Variants in EPB41L1 observed in about 807,000 individuals in gnomAD.
The protein encoded by EPB41L1 is erythrocyte membrane protein band 4.1 like 1.
Under a neutral mutation model 97.8 loss-of-function variants are expected in EPB41L1, and 29 were observed. That is an observed-to-expected ratio of 0.30 (90% CI 0.22 to 0.40). The LOEUF (loss-of-function observed/expected upper bound fraction) is 0.40. EPB41L1 is among the 10% of genes least tolerant of loss of function. EPB41L1 has a pLI of 1.00. For synonymous variants in EPB41L1, 383 were observed against 459.2 expected (o/e 0.83, Z 2.12); for missense variants, 812 against 1,162.3 (o/e 0.70, Z 4.38).
chr20:36,206,709 A>G lies in EPB41L1; in HGVS notation c.1669-2779A>G. The G allele has an allele frequency of 7.8e-7, 1 of 1,289,766 alleles. No homozygotes were observed. The highest frequency in any genetic ancestry group is 1.0e-6 in the Non-Finnish European group (1 of 988,856). The allele number at this position is 1,289,766 out of a possible 1,614,324, so 79.9% of individuals were successfully genotyped here. ...ATGGAGGACCTGGTGACCTGAAGGGATCTCCCGCAGGACAGACGTTTGCTG... is the reference window on the plus strand; with the variant it reads ...ATGGAGGACCTGGTGACCTGAAGGGGTCTCCCGCAGGACAGACGTTTGCTG... On this transcript the variant is annotated intron_variant, in intron 14 of 21. Coordinates refer to ENST00000338074, the MANE Select transcript of EPB41L1 (RefSeq NM_012156.2). This position sits in a 1 kb window ranked among gnomAD's most constrained non-coding sequence, Gnocchi z 5.5.
At chr20:36,127,604 G>A (rs932524633) in intron 2 of EPB41L1, among the ~76,000 whole-genome samples, 6 of 152,160 alleles carry the variant, frequency 3.9e-5, no homozygotes, top group Non-Finnish European at 5.9e-5. Flanking sequence ...CAGGAAAACT[G>A]TATACCAATC....
intron 2 of EPB41L1, among the ~76,000 whole-genome samples, chr20:36,129,572 C>T (rs538860570): frequency 1.4e-4 from 21 of 152,114 alleles, no homozygotes; most frequent in African/African-American, 5.1e-4. Context: ...TCACTGCTCC[C>T]GAAGCACTCC....
chr20:36,204,150 C>A (rs1243209292), intron 14 of EPB41L1, among the ~76,000 whole-genome samples: 1 of 152,150 alleles, frequency 6.6e-6, no homozygotes, highest in Non-Finnish European at 1.5e-5. Flanking sequence ...TGGCCTTGGG[C>A]AAGATGCTTC....
In EPB41L1 at chr20:36,206,266, G is replaced by A; in HGVS notation, c.1669-3222G>A. The A allele has an allele frequency of 2.3e-6, 3 of 1,289,916 alleles. No homozygotes were observed. Among genetic ancestry groups the A allele is most frequent in the Non-Finnish European group, 3.0e-6 (3 of 988,898 alleles). The allele number at this position is 1,289,916 out of a possible 1,614,324, so 79.9% of individuals were successfully genotyped here. A position where few individuals can be genotyped will look rare whatever the true frequency, so the allele number is the denominator to read the frequency against. Reference sequence around the variant, plus strand: ...CTGCATGTCAGATGGTCAGCCGGAGGGCCAGACAGAGCTGAGGAAGGGGCT... The same window carrying A: ...CTGCATGTCAGATGGTCAGCCGGAGAGCCAGACAGAGCTGAGGAAGGGGCT... On this transcript the variant is annotated intron_variant, in intron 14 of 21. Coordinates refer to ENST00000338074, the MANE Select transcript of EPB41L1 (RefSeq NM_012156.2). The surrounding 1 kb of genome is among the most constrained non-coding windows in gnomAD (Gnocchi z 5.5).
At chr20:36,155,318 A>C (rs2060247954) in intron 1 of EPB41L1, 1 of 376,852 alleles carries the variant, frequency 2.7e-6, no homozygotes, top group Admixed American at 3.2e-5. Context: ...ATCTCTCCTC[A>C]CTCTGGTTAC....
At chr20:36,132,421 G>T (rs1353095526) in intron 2 of EPB41L1, among the ~76,000 whole-genome samples, 1 of 152,006 alleles carries the variant, frequency 6.6e-6, no homozygotes, top group Non-Finnish European at 1.5e-5. Flanking sequence ...AAGAACCCCT[G>T]TGGTTACATT....
chr20:36,166,405 C>T (rs1388947994), intron 1 of EPB41L1, among the ~76,000 whole-genome samples: 2 of 152,306 alleles, frequency 1.3e-5, no homozygotes, highest in South Asian at 2.1e-4. Context: ...CTCAGATCAG[C>T]GCCTAGCAAA....
Position 36,182,342 on chromosome 20 carries a change from C to T in EPB41L1, c.561C>T (p.Ile187=). ...ATCCTGCCCAGCTGACAGAAGACAT[C>T]ACAAGGTGAGGGCTGTGGAGGGAGA... The part of the protein sequence containing the change: ...PPDPAQLTED[I]TRYYLCLQLR... Residue 187 remains isoleucine (I), a synonymous_variant, in exon 6 of 22, where the codon ATC becomes ATT. Transcript: ENST00000338074. The T allele has an allele frequency of 6.2e-7, 1 of 1,614,010 alleles. No individual in the cohort carries two copies. Among genetic ancestry groups the T allele is most frequent in the South Asian group, 1.1e-5 (1 of 91,076 alleles).
rs573631309 is a variant in EPB41L1 at position 36,194,224 on chromosome 20, G to C, written c.1313G>C (p.Arg438Pro). Residue 438 changes from arginine (R) to proline (P), a missense_variant, in exon 12 of 22, where the codon CGC becomes CCC. Around this residue, in one of 3 missense-constraint regions of EPB41L1, gnomAD observed 498 missense variants for 622.7 expected, o/e 0.80. Transcript: ENST00000338074. ...SRSLDGAEFS[R>P]PASVSENHDA... ...CCACCCACTTCAGCAGAGTTCTCCC[G>C]CCCAGCCTCGGTCAGCGAGAACCAT... The C allele has an allele frequency of 3.1e-6, 5 of 1,613,694 alleles. No homozygotes were observed. The highest frequency in any genetic ancestry group is 2.7e-5 in the African/African-American group (2 of 74,900).
intron 18 of EPB41L1, 29 bp from the exon 19 acceptor site, chr20:36,219,732 C>A (rs368037388): frequency 6.2e-7 from 1 of 1,610,688 alleles, no homozygotes; most frequent in Non-Finnish European, 8.5e-7. Context: ...TACCTGACAC[C>A]CTGGGTGGGG....
At position 36,092,198 on chromosome 20, in the gene EPB41L1, G is replaced by C. The variant is rs1601165667; in HGVS notation, c.-65+586G>C. 6.6e-6 allele frequency among the ~76,000 whole-genome samples: 1 copy of C among 152,196 alleles called. No homozygotes were observed. Among genetic ancestry groups the C allele is most frequent in the African/African-American group, 2.4e-5 (1 of 41,442 alleles). ...GTCCTGGCTGGAGGTAGACGAGGTCGGCGAGCTGGGCGCGGGGCCGCGGGG... is the reference window on the plus strand; with the variant it reads ...GTCCTGGCTGGAGGTAGACGAGGTCCGCGAGCTGGGCGCGGGGCCGCGGGG... On this transcript the variant is annotated intron_variant, in intron 1 of 19. Coordinates refer to the EPB41L1 transcript ENST00000202028. This position sits in a 1 kb window ranked among gnomAD's most constrained non-coding sequence, Gnocchi z 7.0.
At chr20:36,181,271 G>A (rs1177722421) in intron 5 of EPB41L1, among the ~76,000 whole-genome samples, 1 of 152,174 alleles carries the variant, frequency 6.6e-6, no homozygotes, top group East Asian at 1.9e-4. Context: ...GACCATTGTT[G>A]TGGATATGTA....
intron 1 of EPB41L1, among the ~76,000 whole-genome samples, chr20:36,095,827 G>T (rs1375502510): frequency 6.6e-6 from 1 of 152,150 alleles, no homozygotes; most frequent in African/African-American, 2.4e-5. Flanking sequence ...TGGATCACCT[G>T]AGGTCAGGAG....
chr20:36,184,779 A>G (rs1478887588), intron 6 of EPB41L1, among the ~76,000 whole-genome samples: 2 of 152,368 alleles, frequency 1.3e-5, no homozygotes, highest in South Asian at 2.1e-4. Context: ...TGAATACAGT[A>G]TATTACTTGT....
At chr20:36,181,166 T>C (rs186836465) in intron 5 of EPB41L1, among the ~76,000 whole-genome samples, 136 of 152,326 alleles carry the variant, frequency 8.9e-4, no homozygotes, top group African/African-American at 3.2e-3. Flanking sequence ...CAGTGGTCCA[T>C]GACCACAGCC....
At position 36,195,792 on chromosome 20, in the gene EPB41L1, C is replaced by T. The variant is rs1480981420; in HGVS notation, c.1485+428C>T. 6.6e-6 allele frequency among the ~76,000 whole-genome samples: 1 copy of T among 152,154 alleles called. No homozygotes were observed. Among genetic ancestry groups the T allele is most frequent in the Non-Finnish European group, 1.5e-5 (1 of 68,028 alleles). ...GCACTGTTTGGTCTCGCCTCCATCT[C>T]GTCTGTGTCCCCTGTGTCCTCACCC... On this transcript the variant is annotated intron_variant, in intron 13 of 21. Coordinates refer to ENST00000338074, the MANE Select transcript of EPB41L1 (RefSeq NM_012156.2). The surrounding 1 kb of genome is among the most constrained non-coding windows in gnomAD (Gnocchi z 4.6).
rs760867876 is a variant in EPB41L1, at chr20:36,209,444, TCC to T, written c.1669-41_1669-40del. 2 of 1,594,998 alleles carry T rather than the reference TCC, an allele frequency of 1.3e-6. No homozygotes were observed. The highest frequency in any genetic ancestry group is 2.7e-5 in the African/African-American group (2 of 74,348). ...ATCTTGATTTCTCTTTCTCTCTCTC[TCC>T]CCACCCCACATCCCCATTCTTTTGA... On this transcript the variant is annotated intron_variant, in intron 14 of 21. Transcript: ENST00000338074. The surrounding 1 kb of genome is among the most constrained non-coding windows in gnomAD (Gnocchi z 4.2).
chr20:36,219,784 C>T lies in EPB41L1; in HGVS notation c.2379C>T (p.Thr793=), dbSNP rs1569366086. The T allele has an allele frequency of 6.2e-7, 1 of 1,614,226 alleles. No homozygotes were observed. The highest frequency in any genetic ancestry group is 1.7e-5 in the Admixed American group (1 of 60,028). ...LSPIIGKDVL[T]STYGATAETL... is the part of the protein sequence containing the mutation. ...AGATCATCGGGAAAGATGTCCTCAC[C>T]AGCACCTACGGCGCCACTGCGGAAA... The change falls in exon 19 of 22, where the codon ACC becomes ACT. Residue 793 remains threonine, a synonymous_variant. Coordinates refer to ENST00000338074, the MANE Select transcript of EPB41L1 (RefSeq NM_012156.2).
At chr20:36,220,117 G>A (rs1209230911) in intron 19 of EPB41L1, among the ~76,000 whole-genome samples, 1 of 152,268 alleles carries the variant, frequency 6.6e-6, no homozygotes, top group African/African-American at 2.4e-5. Context: ...TAGATGGAAA[G>A]TGCTGGAGGA....
Sources: allele counts gnomAD v4.1 joint callset (sites outside exome capture counted in the v4.1 genomes callset), GRCh38; gene constraint gnomAD v4.1.1; regional missense constraint gnomAD v4.1.1; non-coding constraint Gnocchi (gnomAD v3.1); transcripts MANE v1.5; gene names NCBI Gene and HGNC (gene_info 2026-07-23, HGNC 2026-07-21).